TNFAIP8: variants seen among roughly 807,000 people sequenced by gnomAD.
TNFAIP8 encodes the protein tumor necrosis factor alpha-induced protein 8.
TNFAIP8 carries 7 observed loss-of-function variants against 13.3 expected under a neutral mutation model. The observed-to-expected ratio is 0.52, with a 90% CI of 0.30 to 0.99. The LOEUF is 0.99. Among genes scored for constraint, TNFAIP8 ranks in the 50% least tolerant of loss-of-function variants. The pLI is 0.07. For missense variants in TNFAIP8, 258 were observed against 236.9 expected (o/e 1.09, Z -0.58); for synonymous variants, 94 against 87.6 (o/e 1.07, Z -0.41).
At chr5:119,292,821 C>G (rs937168040) in intron 1 of TNFAIP8, among the ~76,000 whole-genome samples, 1 of 151,486 alleles carries the variant, frequency 6.6e-6, no homozygotes, top group Non-Finnish European at 1.5e-5. Context: ...CTGTGTGGTT[C>G]TGTTCATGTG....
intron 1 of TNFAIP8, among the ~76,000 whole-genome samples, chr5:119,292,685 TACACAC>T (rs71591296): frequency 0.077 from 3,988 of 51,716 alleles, 888 homozygotes; most frequent in East Asian, 0.13. Flanking sequence ...TATATATATA[TACACAC>T]ACACACAATG....
At chr5:119,310,075 ATTTC>A (rs1436013718) in intron 1 of TNFAIP8, among the ~76,000 whole-genome samples, 2 of 152,020 alleles carry the variant, frequency 1.3e-5, no homozygotes, top group African/African-American at 4.8e-5. Context: ...TCCATCTTTG[ATTTC>A]TTTTATGGGG....
rs1034644287 is a variant in TNFAIP8 at position 119,294,043 on chromosome 5, C to CT, written c.1+25144dup. 2.3e-4 allele frequency among the ~76,000 whole-genome samples: 35 copies of CT among 151,340 alleles called. No homozygotes were observed. The East Asian group carries it at 3.7e-3, about 16-fold the overall frequency. ...CTCTTCCCAATACCTTCTTTTTTTT[C>CT]TTTTTTTTAAATTTTATTATACTTT... On this transcript the variant is annotated intron_variant, in intron 1 of 1. Coordinates refer to the TNFAIP8 transcript ENST00000274456.
At chr5:119,388,869 C>T (rs1752784205) in intron 1 of TNFAIP8, among the ~76,000 whole-genome samples, 1 of 151,510 alleles carries the variant, frequency 6.6e-6, no homozygotes, top group South Asian at 2.1e-4. Flanking sequence ...GTCTCAAAGT[C>T]CTGGGCTCAA....
At chr5:119,294,366 G>C (rs1749097002) in intron 1 of TNFAIP8, among the ~76,000 whole-genome samples, 1 of 152,140 alleles carries the variant, frequency 6.6e-6, no homozygotes, top group Admixed American at 6.5e-5. Flanking sequence ...TCCCTACAAA[G>C]AACATGAACT....
At chr5:119,369,621 G>A (rs764767504) in intron 1 of TNFAIP8, among the ~76,000 whole-genome samples, 3 of 152,084 alleles carry the variant, frequency 2.0e-5, no homozygotes, top group Non-Finnish European at 4.4e-5. Flanking sequence ...GATATTTTTT[G>A]TGCCTCTGGC....
chr5:119,371,870 G>T (rs965358610), intron 1 of TNFAIP8, among the ~76,000 whole-genome samples: 1 of 152,072 alleles, frequency 6.6e-6, no homozygotes. Flanking sequence ...GGGCGTGGTG[G>T]CTCACACCTG....
chr5:119,384,246 A>T (rs1307745543), intron 1 of TNFAIP8, among the ~76,000 whole-genome samples: 2 of 152,202 alleles, frequency 1.3e-5, no homozygotes, highest in East Asian at 3.9e-4. Flanking sequence ...GCACTTTGGG[A>T]GACCGAGGCG....
At chr5:119,328,918 C>A (rs1750297965) in intron 1 of TNFAIP8, among the ~76,000 whole-genome samples, 2 of 152,208 alleles carry the variant, frequency 1.3e-5, no homozygotes, top group African/African-American at 2.4e-5. Context: ...AGAGAATAAA[C>A]CACATTCAAG....
At chr5:119,312,231 A>G (rs9327098) in intron 1 of TNFAIP8, among the ~76,000 whole-genome samples, 124,678 of 152,124 alleles carry the variant, frequency 0.82, 51,649 homozygotes, top group East Asian at 0.98. Context: ...TTTGAGCCAG[A>G]GTTTGGAAAC....
At chr5:119,295,562 G>A (rs183211072) in intron 1 of TNFAIP8, among the ~76,000 whole-genome samples, 4,535 of 152,110 alleles carry the variant, frequency 0.03, 236 homozygotes, top group African/African-American at 0.1. Flanking sequence ...GTCAGGTAGC[G>A]TGATGTCTCC....
At chr5:119,281,037 C>G (rs2150804388) in intron 1 of TNFAIP8, among the ~76,000 whole-genome samples, 1 of 152,222 alleles carries the variant, frequency 6.6e-6, no homozygotes, top group Non-Finnish European at 1.5e-5. Context: ...CAGTTGGCCC[C>G]TAAGTCCTCC....
chr5:119,316,715 G>A (rs1277682009), intron 1 of TNFAIP8, among the ~76,000 whole-genome samples: 1 of 152,174 alleles, frequency 6.6e-6, no homozygotes, highest in Non-Finnish European at 1.5e-5. Flanking sequence ...TCAGGTATCA[G>A]TATTTTTAAA....
At chr5:119,343,989 G>T (rs1581622952) in intron 1 of TNFAIP8, among the ~76,000 whole-genome samples, 1 of 152,128 alleles carries the variant, frequency 6.6e-6, no homozygotes, top group Non-Finnish European at 1.5e-5. Context: ...GTGTGTGGGC[G>T]CACATTCATG....
chr5:119,332,507 G>C (rs1347175452), intron 1 of TNFAIP8, among the ~76,000 whole-genome samples: 1 of 152,126 alleles, frequency 6.6e-6, no homozygotes, highest in Non-Finnish European at 1.5e-5. Context: ...TATTGCTACA[G>C]AGTATAGAAA....
At chr5:119,292,644 G>GCA (rs1749022640) in intron 1 of TNFAIP8, among the ~76,000 whole-genome samples, 2 of 27,398 alleles carry the variant, frequency 7.3e-5, no homozygotes, top group Non-Finnish European at 1.9e-4. Flanking sequence ...AATCAATGTA[G>GCA]CATATATATA....
intron 1 of TNFAIP8, among the ~76,000 whole-genome samples, chr5:119,364,064 C>T (rs1300088240): frequency 6.6e-6 from 1 of 152,162 alleles, no homozygotes. Flanking sequence ...CCTCCCAGCA[C>T]CTCCAGGTGG....
chr5:119,360,920 C>T (rs957434386), intron 1 of TNFAIP8, among the ~76,000 whole-genome samples: 2 of 152,180 alleles, frequency 1.3e-5, no homozygotes, highest in Non-Finnish European at 2.9e-5. Flanking sequence ...CCTATTAGAT[C>T]CCGGATTTTG....
intron 1 of TNFAIP8, among the ~76,000 whole-genome samples, chr5:119,326,510 T>C (rs914932282): frequency 2.6e-5 from 4 of 152,186 alleles, no homozygotes; most frequent in African/African-American, 9.7e-5. Context: ...AAGTCCTATG[T>C]TGACTCATGG....
Sources: gnomAD v4.1 joint callset for allele counts (sites outside exome capture counted in the v4.1 genomes callset) on GRCh38, gnomAD v4.1.1 for gene constraint, MANE v1.5 for transcripts, NCBI Gene and HGNC (gene_info 2026-07-23, HGNC 2026-07-21) for gene names.